Variants in TRPC7 observed in about 807,000 individuals in gnomAD.
TRPC7 encodes the protein short transient receptor potential channel 7.
Under a neutral mutation model 90.1 loss-of-function variants are expected in TRPC7, and 42 were observed. The observed-to-expected ratio is 0.47, with a 90% CI of 0.36 to 0.60. The LOEUF is 0.60. Among genes scored for constraint, TRPC7 ranks in the 20% least tolerant of loss-of-function variants. TRPC7 has a pLI of 0.00. For synonymous variants in TRPC7, 451 were observed against 436.3 expected (o/e 1.03, Z -0.42); for missense variants, 955 against 1,112.3 (o/e 0.86, Z 2.01).
chr5:136,226,359 T>G, intron 8 of TRPC7, 104 bp from the exon 9 acceptor site: 2 of 803,858 alleles, frequency 2.5e-6, no homozygotes, highest in South Asian at 1.7e-5. Context: ...GAAAGCAGAC[T>G]TCTAAGCAGG....
chr5:136,345,560 CAAA>C, intron 2 of TRPC7, among the ~76,000 whole-genome samples: 2 of 144,890 alleles, frequency 1.4e-5, no homozygotes, highest in South Asian at 4.4e-4. Context: ...GACTCCGCCT[CAAA>C]AAAAAAAATG....
intron 3 of TRPC7, among the ~76,000 whole-genome samples, chr5:136,284,571 A>G (rs1000551917): frequency 6.6e-6 from 1 of 152,238 alleles, no homozygotes; most frequent in African/African-American, 2.4e-5. Context: ...ACAGAAGTTG[A>G]TAATAATGTC....
chr5:136,303,096 C>A (rs144578275), intron 3 of TRPC7, among the ~76,000 whole-genome samples: 7 of 152,164 alleles, frequency 4.6e-5, no homozygotes, highest in East Asian at 3.9e-4. Flanking sequence ...AGCCCTCCCC[C>A]ACCTGCCCAG....
intron 2 of TRPC7, among the ~76,000 whole-genome samples, chr5:136,334,183 T>C (rs1759582416): frequency 6.6e-6 from 1 of 152,204 alleles, no homozygotes; most frequent in Non-Finnish European, 1.5e-5. Context: ...TCAGATAACA[T>C]GCCCTTCCAG....
intron 10 of TRPC7, among the ~76,000 whole-genome samples, chr5:136,223,056 C>A (rs1270149385): frequency 6.6e-6 from 1 of 152,274 alleles, no homozygotes; most frequent in Admixed American, 6.5e-5. Flanking sequence ...AGACTGCTTT[C>A]TCTCAGCCCC....
intron 2 of TRPC7, among the ~76,000 whole-genome samples, chr5:136,322,184 T>C (rs1029280634): frequency 6.6e-6 from 1 of 151,954 alleles, no homozygotes; most frequent in Non-Finnish European, 1.5e-5. Context: ...CCTGCTAATT[T>C]TTGTATTTTT....
chr5:136,217,547 C>T (rs1248219062), intron 10 of TRPC7, among the ~76,000 whole-genome samples: 1 of 152,136 alleles, frequency 6.6e-6, no homozygotes, highest in Non-Finnish European at 1.5e-5. Context: ...GGCCAACTGG[C>T]TGTGTGGTTT....
chr5:136,351,553 T>TG (rs1010839448), intron 2 of TRPC7, among the ~76,000 whole-genome samples: 1 of 152,210 alleles, frequency 6.6e-6, no homozygotes, highest in Non-Finnish European at 1.5e-5. Context: ...GCAGCCCAGG[T>TG]GGGGGCCTTT....
chr5:136,309,379 C>T lies in TRPC7; in HGVS notation c.963+6218G>A, dbSNP rs116410830. Among the ~76,000 whole-genome samples, 879 of 152,312 alleles carry T rather than the reference C, an allele frequency of 5.8e-3. 8 individuals carry two copies. Among genetic ancestry groups the T allele is most frequent in the African/African-American group, 0.02 (815 of 41,576 alleles). ...CTGCTCAGCTCCCTCTCCCATCTCC[C>T]ACATAATTTTTCCCATTTTTTTACT... On this transcript the variant is annotated intron_variant, in intron 3 of 11. Coordinates refer to ENST00000513104, the MANE Select transcript of TRPC7 (RefSeq NM_020389.3).
In TRPC7 at chr5:136,356,876, G is replaced by A. The variant is rs775748277; in HGVS notation, c.512C>T (p.Ala171Val). Residue 171 changes from alanine to valine, a missense_variant, in exon 2 of 12, where the codon GCG (alanine) becomes GTG (valine). Transcript: ENST00000513104. The stretch of plus-strand genomic sequence containing the variant: ...GATCTCATACTCCTGGCAGTGCGCC[G>A]CCAGGATGATGGGCGTGATGTCGTG... Reference protein sequence around the residue: ...FSHDITPIILAAHCQEYEIVH... With the variant: ...FSHDITPIILVAHCQEYEIVH... The A allele has an allele frequency of 1.2e-6, 2 of 1,613,760 alleles. No individual in the cohort carries two copies. Among genetic ancestry groups the A allele is most frequent in the East Asian group, 2.2e-5 (1 of 44,872 alleles).
At chr5:136,360,279 C>G (rs1760528131) in intron 1 of TRPC7, among the ~76,000 whole-genome samples, 1 of 138,492 alleles carries the variant, frequency 7.2e-6, no homozygotes, top group Non-Finnish European at 1.5e-5. Context: ...GTTAATTCCA[C>G]TCATTACAAA....
At position 136,274,608 on chromosome 5, in the gene TRPC7, T is replaced by C. The variant is rs186689657; in HGVS notation, c.1128+65A>G. On this transcript the variant is annotated intron_variant, in intron 4 of 11. Coordinates refer to ENST00000513104, the MANE Select transcript of TRPC7 (RefSeq NM_020389.3). ...AGCTGCTAATTTGAACAAAATGGATTTCAGATCATGCTAAGAAGAGAGAAG... is the reference window on the plus strand; with the variant it reads ...AGCTGCTAATTTGAACAAAATGGATCTCAGATCATGCTAAGAAGAGAGAAG... The C allele has an allele frequency of 5.0e-6, 7 of 1,393,780 alleles. No homozygotes were observed. In the Admixed American group the frequency reaches 8.2e-5, roughly 16 times the overall value. 86.3% of individuals were successfully genotyped at this position (1,393,780 alleles called of 1,614,324 possible). A position where few individuals can be genotyped will look rare whatever the true frequency, so the allele number is the denominator to read the frequency against.
chr5:136,348,023 CTCACCCCT>C (rs566844736), intron 2 of TRPC7, among the ~76,000 whole-genome samples: 29 of 152,348 alleles, frequency 1.9e-4, no homozygotes, highest in African/African-American at 6.7e-4. Flanking sequence ...TCATATGTCA[CTCACCCCT>C]TCCTGGGAGG....
chr5:136,246,820 TGA>T (rs1371739115), intron 7 of TRPC7, among the ~76,000 whole-genome samples: 1 of 152,222 alleles, frequency 6.6e-6, no homozygotes, highest in Admixed American at 6.5e-5. Context: ...GTTTACTACG[TGA>T]GTTACATCAT....
chr5:136,348,945 A>G (rs777567797), intron 2 of TRPC7, among the ~76,000 whole-genome samples: 2 of 152,192 alleles, frequency 1.3e-5, no homozygotes, highest in Non-Finnish European at 2.9e-5. Flanking sequence ...GCTACTACTC[A>G]TTGGCTAACA....
intron 7 of TRPC7, among the ~76,000 whole-genome samples, chr5:136,239,194 C>T (rs781553077): frequency 2.6e-5 from 4 of 152,130 alleles, no homozygotes; most frequent in Non-Finnish European, 5.9e-5. Flanking sequence ...AATCTGTTGT[C>T]CAGGCTGGTC....
At chr5:136,324,588 G>T (rs1011701314) in intron 2 of TRPC7, among the ~76,000 whole-genome samples, 3 of 152,102 alleles carry the variant, frequency 2.0e-5, no homozygotes, top group Middle Eastern at 3.4e-3. Flanking sequence ...TGAATTTCTA[G>T]CCCTAATATG....
At chr5:136,344,638 G>A (rs193197682) in intron 2 of TRPC7, among the ~76,000 whole-genome samples, 6 of 152,298 alleles carry the variant, frequency 3.9e-5, no homozygotes, top group South Asian at 4.1e-4. Context: ...CTGAGAGAGT[G>A]TAGACTAGGG....
chr5:136,250,738 T>C (rs1185198000), intron 6 of TRPC7, among the ~76,000 whole-genome samples: 1 of 152,238 alleles, frequency 6.6e-6, no homozygotes, highest in Non-Finnish European at 1.5e-5. Flanking sequence ...TATTATTATC[T>C]CTGTTTTACA....
Sources: gnomAD v4.1 joint callset for allele counts (sites outside exome capture counted in the v4.1 genomes callset) on GRCh38, gnomAD v4.1.1 for gene constraint, MANE v1.5 for transcripts, NCBI Gene and HGNC (gene_info 2026-07-23, HGNC 2026-07-21) for gene names.